Variants in NDC80 observed in about 807,000 individuals in gnomAD.
NDC80 encodes the protein kinetochore protein NDC80 homolog.
In NDC80, 69 loss-of-function variants were observed where a neutral mutation model predicts 89.3. The ratio of observed to expected loss-of-function variants is 0.77; its 90% CI spans 0.64 to 0.94. NDC80 has a LOEUF of 0.94. Ranked by LOEUF, NDC80 falls within the 40% of genes least tolerant of loss-of-function variation. The pLI is 0.00. For missense variants in NDC80, 593 were observed against 739.6 expected (o/e 0.80, Z 2.30); for synonymous variants, 243 against 255.6 (o/e 0.95, Z 0.47).
At chr18:2,577,605 G>C (rs1172553646) in intron 3 of NDC80, 141 bp from the exon 4 acceptor site, 2 of 906,712 alleles carry the variant, frequency 2.2e-6, no homozygotes, top group African/African-American at 3.3e-5. Context: ...CCTTTTCTCT[G>C]CTTTAAATAA....
chr18:2,583,696 T>TAA (rs1454480588), intron 6 of NDC80, among the ~76,000 whole-genome samples: 2 of 99,122 alleles, frequency 2.0e-5, no homozygotes, highest in African/African-American at 4.2e-5. Context: ...AGACTCCGTC[T>TAA]CAAAAAAAAA....
chr18:2,598,355 G>C (rs188068793), intron 11 of NDC80, among the ~76,000 whole-genome samples: 1 of 152,186 alleles, frequency 6.6e-6, no homozygotes, highest in Non-Finnish European at 1.5e-5. Flanking sequence ...GCTGAGGATA[G>C]AGCTGTTTTC....
At chr18:2,581,891 T>G (rs1192736571) in intron 6 of NDC80, among the ~76,000 whole-genome samples, 1 of 152,206 alleles carries the variant, frequency 6.6e-6, no homozygotes, top group East Asian at 1.9e-4. Flanking sequence ...AATCTTGTGA[T>G]TTTGTTATTA....
At chr18:2,593,042 G>GTGTGTA (rs1271057539) in intron 10 of NDC80, among the ~76,000 whole-genome samples, 2 of 130,030 alleles carry the variant, frequency 1.5e-5, no homozygotes, top group African/African-American at 6.9e-5. Flanking sequence ...GTGTGTGTGT[G>GTGTGTA]TGTGTGTGTG....
chr18:2,595,229 T>TTATATATATATATATATATA (rs60668754), intron 10 of NDC80, among the ~76,000 whole-genome samples, 187 bp from the exon 11 acceptor site: 1 of 146,598 alleles, frequency 6.8e-6, no homozygotes, highest in African/African-American at 2.5e-5. Flanking sequence ...ACTTTGAAAT[T>TTATATATATATATATATATA]TATATATATA....
rs1041450571 is a variant in NDC80 at position 2,590,219 on chromosome 18, T to C, written c.1015+57T>C. The C allele has an allele frequency of 9.6e-6, 14 of 1,461,850 alleles. No homozygotes were observed. The African/African-American group carries it at 2.0e-4, about 21-fold the overall frequency. The allele number at this position is 1,461,850 out of a possible 1,614,324, so 90.6% of individuals were successfully genotyped here. A position where few individuals can be genotyped will look rare whatever the true frequency, so the allele number is the denominator to read the frequency against. On this transcript the variant is annotated intron_variant, in intron 10 of 16. Coordinates refer to ENST00000261597, the MANE Select transcript of NDC80 (RefSeq NM_006101.3). ...GCGAACCTGTGTGGGATTTGTCACA[T>C]GTAAAAACAGCTTTGTTATCCATAT...
chr18:2,593,050 G>A (rs1471895904), intron 10 of NDC80, among the ~76,000 whole-genome samples: 1 of 115,866 alleles, frequency 8.6e-6, no homozygotes, highest in African/African-American at 4.2e-5. Flanking sequence ...GTGTGTGTGT[G>A]TGTGTCTTTT....
chr18:2,574,897 G>A, intron 2 of NDC80, 92 bp from the exon 3 acceptor site: 1 of 763,476 alleles, frequency 1.3e-6, no homozygotes, highest in South Asian at 1.7e-5. Context: ...ATAGCTAGTG[G>A]GGAAGAGTTG....
At chr18:2,572,866 T>A (rs2072524540) in intron 1 of NDC80, 111 bp from the exon 2 acceptor site, 2 of 757,350 alleles carry the variant, frequency 2.6e-6, no homozygotes, top group Non-Finnish European at 4.3e-6. Flanking sequence ...AAGATGATGA[T>A]CTTGAAGAAA....
chr18:2,573,086 C>A lies in NDC80; in HGVS notation c.101C>A (p.Thr34Asn), dbSNP rs762890142. The A allele has an allele frequency of 3.1e-6, 5 of 1,607,470 alleles. No individual in the cohort carries two copies. The highest frequency in any genetic ancestry group is 4.3e-6 in the Non-Finnish European group (5 of 1,176,340). The change falls in exon 2 of 17, where the codon ACC becomes AAC. Residue 34 changes from threonine (T) to asparagine (N), a missense_variant and splice_region_variant. Thr to Asn is a moderately conservative substitution (Grantham distance 65). Coordinates refer to ENST00000261597, the MANE Select transcript of NDC80 (RefSeq NM_006101.3). Reference protein sequence around the residue: ...VNKQGLYTPQTKEKPTFGKLS... With the variant: ...VNKQGLYTPQNKEKPTFGKLS... ...AAACAAGGCCTCTATACCCCTCAAA[C>A]GTGAGTATTTCCCTTGTGGTTCTAA...
At chr18:2,602,772 TAC>T (rs2072690615) in intron 13 of NDC80, among the ~76,000 whole-genome samples, 1 of 152,152 alleles carries the variant, frequency 6.6e-6, no homozygotes, top group Non-Finnish European at 1.5e-5. Context: ...CTGACATAGG[TAC>T]AGTTATGCTC....
rs2072649766 is a variant in NDC80, at chr18:2,595,454, C to G, written c.1054C>G (p.Leu352Val). The change falls in exon 11 of 17, where the codon CTA becomes GTA. Residue 352 changes from leucine (L) to valine (V), a missense_variant. Physicochemically the swap from Leu to Val is conservative, Grantham distance 32 (BLOSUM62 1). Transcript: ENST00000261597. The stretch of plus-strand genomic sequence containing the variant: ...AACAATAAAACAGGAGAACACTCGA[C>G]TACAGAATATCATTGACAACCAGAA... ...CETIKQENTR[L>V]QNIIDNQKYS... 6.2e-7 allele frequency: 1 copy of G among 1,613,662 alleles called. No individual in the cohort carries two copies. The highest frequency in any genetic ancestry group is 8.5e-7 in the Non-Finnish European group (1 of 1,179,842).
At chr18:2,575,964 T>C (rs2072544349) in intron 3 of NDC80, among the ~76,000 whole-genome samples, 1 of 152,080 alleles carries the variant, frequency 6.6e-6, no homozygotes, top group Admixed American at 6.6e-5. Flanking sequence ...CCAAGCATCA[T>C]GGTGCACGCC....
intron 6 of NDC80, among the ~76,000 whole-genome samples, chr18:2,579,956 T>G (rs188946621): frequency 2.6e-5 from 4 of 152,050 alleles, no homozygotes; most frequent in Non-Finnish European, 5.9e-5. Flanking sequence ...TGTGTGTATA[T>G]GTGTATATGT....
chr18:2,576,184 C>T (rs2072545613), intron 3 of NDC80, among the ~76,000 whole-genome samples: 1 of 152,176 alleles, frequency 6.6e-6, no homozygotes, highest in African/African-American at 2.4e-5. Flanking sequence ...GAGAACTCCA[C>T]AGAGCTTTTG....
intron 10 of NDC80, among the ~76,000 whole-genome samples, chr18:2,591,093 A>G (rs2072625394): frequency 6.6e-6 from 1 of 152,170 alleles, no homozygotes; most frequent in South Asian, 2.1e-4. Flanking sequence ...ATAACTGGCT[A>G]TCCTCCATCA....
chr18:2,601,600 G>GA, intron 13 of NDC80, 115 bp downstream of exon 13: 1 of 466,936 alleles, frequency 2.1e-6, no homozygotes, highest in Non-Finnish European at 3.8e-6. Flanking sequence ...ACAAAACTAT[G>GA]AAAAAATGAG....
intron 14 of NDC80, among the ~76,000 whole-genome samples, chr18:2,607,497 C>T (rs1290163951): frequency 6.6e-6 from 1 of 152,068 alleles, no homozygotes; most frequent in Non-Finnish European, 1.5e-5. Context: ...GAATCCTATG[C>T]AAGCTTTTTG....
At chr18:2,614,831 G>A (rs867783584) in intron 16 of NDC80, 3 of 153,002 alleles carry the variant, frequency 2.0e-5, no homozygotes, top group Non-Finnish European at 4.4e-5. Context: ...TTGCAAATGC[G>A]GTTGGTTAAG....
Sources: allele counts gnomAD v4.1 joint callset (sites outside exome capture counted in the v4.1 genomes callset), GRCh38; gene constraint gnomAD v4.1.1; transcripts MANE v1.5; gene names NCBI Gene and HGNC (gene_info 2026-07-23, HGNC 2026-07-21).